Variants in CNTLN observed in about 807,000 individuals in gnomAD.
CNTLN encodes the protein centlein, centrosomal protein.
In CNTLN, 212 loss-of-function variants were observed where a neutral mutation model predicts 180.0. The ratio of observed to expected loss-of-function variants is 1.18; its 90% confidence interval spans 1.05 to 1.32. The LOEUF is 1.32. CNTLN is among the 40% of genes most tolerant of loss of function. CNTLN has a pLI of 0.00. For synonymous variants in CNTLN, 722 were observed against 563.1 expected (o/e 1.28, Z -3.99); for missense variants, 2,095 against 1,610.9 (o/e 1.30, Z -5.14).
At chr9:17,327,812 G>T (rs991999320) in intron 8 of CNTLN, among the ~76,000 whole-genome samples, 6 of 151,932 alleles carry the variant, frequency 3.9e-5, no homozygotes, top group African/African-American at 1.5e-4. Context: ...AAGTAGCTGG[G>T]CATGGTGGCA....
At chr9:17,258,604 C>A (rs1483786846) in intron 5 of CNTLN, among the ~76,000 whole-genome samples, 1 of 150,256 alleles carries the variant, frequency 6.7e-6, no homozygotes, top group Non-Finnish European at 1.5e-5. Flanking sequence ...TTCTTCCTAC[C>A]CATGAACATG....
Position 17,298,995 on chromosome 9 carries a change from G to A in CNTLN, c.1146+643G>A, listed in dbSNP as rs182817737. The A allele has an allele frequency of 1.6e-3, 1,505 of 933,860 alleles. 22 individuals are homozygous for A. In the African/African-American group the frequency reaches 0.025, roughly 15 times the overall value. The allele number at this position is 933,860 out of a possible 1,614,324, so 57.8% of individuals were successfully genotyped here. A position where few individuals can be genotyped will look rare whatever the true frequency, so the allele number is the denominator to read the frequency against. On this transcript the variant is annotated intron_variant, in intron 7 of 25. Transcript: ENST00000380647. The stretch of plus-strand genomic sequence containing the variant: ...ATGGTGGCTCATGCCTGTAATCCCA[G>A]CACTTTGGGAGGCTGAGGCGGGCGA...
intron 8 of CNTLN, among the ~76,000 whole-genome samples, chr9:17,323,545 C>A (rs965273151): frequency 2.0e-5 from 3 of 152,162 alleles, no homozygotes; most frequent in African/African-American, 7.2e-5. Context: ...AGAACCTAAT[C>A]GTGTTCTGTA....
intron 16 of CNTLN, among the ~76,000 whole-genome samples, chr9:17,413,128 T>C (rs1041160356): frequency 1.2e-4 from 14 of 121,724 alleles, no homozygotes; most frequent in Admixed American, 2.5e-4. Flanking sequence ...TCCACATAAG[T>C]ATGAACAACT....
chr9:17,218,425 T>C (rs1197142802), intron 2 of CNTLN, among the ~76,000 whole-genome samples: 1 of 152,130 alleles, frequency 6.6e-6, no homozygotes, highest in Non-Finnish European at 1.5e-5. Context: ...GTTTTATTAT[T>C]GTTATATTGT....
chr9:17,325,959 C>A (rs1289749640), intron 8 of CNTLN, among the ~76,000 whole-genome samples: 1 of 151,964 alleles, frequency 6.6e-6, no homozygotes, highest in Non-Finnish European at 1.5e-5. Context: ...TAATGCCCTA[C>A]AATATTTCTT....
At chr9:17,150,676 A>G (rs1208224943) in intron 2 of CNTLN, among the ~76,000 whole-genome samples, 3 of 152,232 alleles carry the variant, frequency 2.0e-5, no homozygotes, top group African/African-American at 4.8e-5. Flanking sequence ...GTTTTTTCCA[A>G]TTCTGTGAAG....
rs538726452 is a variant in CNTLN, at chr9:17,350,513, G to A, written c.1886+8069G>A. The stretch of plus-strand genomic sequence containing the variant: ...AATAAGAGAATATTAGGGACACAAG[G>A]CAGGGAAAGCTGTATTCTGCTTGTG... On this transcript the variant is annotated intron_variant, in intron 12 of 25. Coordinates refer to ENST00000380647, the MANE Select transcript of CNTLN (RefSeq NM_017738.4). Among the ~76,000 whole-genome samples, 208 of 152,216 alleles carry A rather than the reference G, an allele frequency of 1.4e-3. 1 individual carries two copies. The highest frequency in any genetic ancestry group is 0.014 in the Middle Eastern group (4 of 294).
intron 25 of CNTLN, among the ~76,000 whole-genome samples, chr9:17,501,120 A>G (rs1034587970): frequency 1.3e-5 from 2 of 152,202 alleles, no homozygotes; most frequent in Non-Finnish European, 2.9e-5. Context: ...TAGAAAAGCT[A>G]TTTTAAAGTC....
At chr9:17,369,382 G>A (rs1824114654) in intron 13 of CNTLN, among the ~76,000 whole-genome samples, 1 of 151,692 alleles carries the variant, frequency 6.6e-6, no homozygotes. Flanking sequence ...TATGAAAACA[G>A]GATAATATAC....
chr9:17,392,228 G>A (rs75148869), intron 14 of CNTLN, among the ~76,000 whole-genome samples: 2,655 of 152,206 alleles, frequency 0.017, 82 homozygotes, highest in African/African-American at 0.061. Context: ...TCGAGCCATG[G>A]CACTCCAGCC....
chr9:17,388,835 T>C (rs1286531334), intron 14 of CNTLN, among the ~76,000 whole-genome samples: 1 of 151,828 alleles, frequency 6.6e-6, no homozygotes, highest in Non-Finnish European at 1.5e-5. Context: ...AAAATACTGT[T>C]TTAAAATATT....
intron 3 of CNTLN, among the ~76,000 whole-genome samples, chr9:17,229,514 T>A (rs1477489761): frequency 6.6e-6 from 1 of 151,992 alleles, no homozygotes; most frequent in Non-Finnish European, 1.5e-5. Context: ...AATGGAGACC[T>A]AGGGAACAGT....
chr9:17,520,711 G>T, the CNTLN span, among the ~76,000 whole-genome samples: 1 of 152,186 alleles, frequency 6.6e-6, no homozygotes, highest in Non-Finnish European at 1.5e-5. Flanking sequence ...ATTCAGTTCA[G>T]TAAGTTGCTC....
intron 2 of CNTLN, among the ~76,000 whole-genome samples, chr9:17,151,853 A>G (rs886215267): frequency 6.6e-6 from 1 of 152,156 alleles, no homozygotes; most frequent in Non-Finnish European, 1.5e-5. Context: ...TTATTGGTCT[A>G]TTCCAGGATT....
chr9:17,230,750 C>G (rs1484663278), intron 3 of CNTLN, among the ~76,000 whole-genome samples: 1 of 151,992 alleles, frequency 6.6e-6, no homozygotes, highest in Non-Finnish European at 1.5e-5. Flanking sequence ...GTGATCTTCC[C>G]TGTGACAACA....
downstream of CNTLN, among the ~76,000 whole-genome samples, chr9:17,508,873 A>G (rs1833980329): frequency 6.6e-6 from 1 of 152,258 alleles, no homozygotes; most frequent in South Asian, 2.1e-4. Context: ...AGGAAAGAAT[A>G]TGATTGAAAA....
In CNTLN at chr9:17,346,146, A is replaced by G. The variant is rs148024580; in HGVS notation, c.1886+3702A>G. 6.8e-3 allele frequency among the ~76,000 whole-genome samples: 1,037 copies of G among 152,260 alleles called. 12 individuals carry two copies. Among genetic ancestry groups the G allele is most frequent in the African/African-American group, 0.024 (978 of 41,558 alleles). On this transcript the variant is annotated intron_variant, in intron 12 of 25. Transcript: ENST00000380647. ...CAATCATGGTGGAAGGTGAAGGGGAAGCAAGGACCTTTTTCGCATGGTGGC... is the reference window on the plus strand; with the variant it reads ...CAATCATGGTGGAAGGTGAAGGGGAGGCAAGGACCTTTTTCGCATGGTGGC...
chr9:17,488,756 C>T (rs1833005237), intron 25 of CNTLN, among the ~76,000 whole-genome samples: 1 of 152,026 alleles, frequency 6.6e-6, no homozygotes, highest in African/African-American at 2.4e-5. Flanking sequence ...CCTTTTTGTG[C>T]CACTGAGCCT....
Sources: allele counts gnomAD v4.1 joint callset (sites outside exome capture counted in the v4.1 genomes callset), GRCh38; gene constraint gnomAD v4.1.1; transcripts MANE v1.5; gene names NCBI Gene and HGNC (gene_info 2026-07-23, HGNC 2026-07-21).